The following HTR1F variants were observed in gnomAD, a reference collection of about 807,000 sequenced individuals.
HTR1F encodes 5-hydroxytryptamine receptor 1F, also known as 5-hydroxytryptamine (serotonin) receptor 1F, G protein-coupled.
Under a neutral mutation model 24.0 loss-of-function variants are expected in HTR1F, and 17 were observed. That is an observed-to-expected ratio of 0.71 (90% confidence interval 0.48 to 1.06). The LOEUF (loss-of-function observed/expected upper bound fraction) is 1.06, where lower values mean the gene tolerates loss of function less well. HTR1F is among the 50% of genes least tolerant of loss of function. The pLI is 0.00. For missense variants in HTR1F, 391 were observed against 427.8 expected, an observed-to-expected ratio of 0.91 and a Z score of 0.76; for synonymous variants, 186 against 156.8, an observed-to-expected ratio of 1.19 and a Z score of -1.39.
chr3:87,936,547 C>G (rs953672157), intron 2 of HTR1F, among the ~76,000 whole-genome samples: 2 of 152,114 alleles, frequency 1.3e-5, no homozygotes, highest in Non-Finnish European at 1.5e-5. Flanking sequence ...TTTTATAACA[C>G]TCCAATAAGA....
chr3:87,957,110 A>C (rs1444231805), intron 2 of HTR1F, among the ~76,000 whole-genome samples: 1 of 151,348 alleles, frequency 6.6e-6, no homozygotes, highest in East Asian at 1.9e-4. Context: ...CTCTTATCAG[A>C]TGGAGGCAGT....
In HTR1F at chr3:87,807,274, C is replaced by A. The variant is rs552476282; in HGVS notation, c.-160+14432C>A. ...TGATCCATGAGCATGGAGTATCTTTCCCTTCGTGTTGTTTTTAATTTATTT... is the reference window on the plus strand; with the variant it reads ...TGATCCATGAGCATGGAGTATCTTTACCTTCGTGTTGTTTTTAATTTATTT... On this transcript the variant is annotated intron_variant, in intron 1 of 2. Transcript: ENST00000319595. 1.5e-3 allele frequency among the ~76,000 whole-genome samples: 224 copies of A among 151,942 alleles called. 1 individual carries two copies. The highest frequency in any genetic ancestry group is 5.2e-3 in the African/African-American group (215 of 41,506).
intron 2 of HTR1F, among the ~76,000 whole-genome samples, chr3:87,927,998 C>A (rs1315643100): frequency 1.3e-5 from 2 of 151,472 alleles, no homozygotes; most frequent in Admixed American, 6.6e-5. Context: ...ATAAATCACT[C>A]TCTGTGCCTT....
chr3:87,863,573 T>A (rs987436440), intron 2 of HTR1F, among the ~76,000 whole-genome samples: 58 of 152,318 alleles, frequency 3.8e-4, no homozygotes, highest in African/African-American at 1.4e-3. Context: ...CAGTTTCCAA[T>A]AACATGTTCC....
At chr3:87,981,523 G>A (rs1705544365) in intron 2 of HTR1F, among the ~76,000 whole-genome samples, 1 of 152,106 alleles carries the variant, frequency 6.6e-6, no homozygotes, top group African/African-American at 2.4e-5. Context: ...CACAGTAGTT[G>A]GTAGTCTCTT....
intron 2 of HTR1F, among the ~76,000 whole-genome samples, chr3:87,948,966 T>A (rs1704774650): frequency 1.3e-5 from 2 of 152,202 alleles, no homozygotes; most frequent in Admixed American, 1.3e-4. Context: ...CAGCAGTATA[T>A]TTATTTTCAG....
intron 2 of HTR1F, among the ~76,000 whole-genome samples, chr3:87,945,357 G>C (rs1172391548): frequency 1.3e-5 from 2 of 152,168 alleles, no homozygotes; most frequent in South Asian, 2.1e-4. Context: ...GGAAATGAAA[G>C]TCTGAACCAT....
chr3:87,928,323 G>A (rs1176767996), intron 2 of HTR1F, among the ~76,000 whole-genome samples: 2 of 152,060 alleles, frequency 1.3e-5, no homozygotes, highest in South Asian at 2.1e-4. Context: ...TGGATTACAG[G>A]CACGAGCCAC....
chr3:87,875,323 G>A (rs1276472531), intron 2 of HTR1F, among the ~76,000 whole-genome samples: 1 of 151,824 alleles, frequency 6.6e-6, no homozygotes, highest in East Asian at 1.9e-4. Context: ...GGTGGTGGCT[G>A]CCTGTAATCC....
chr3:87,921,239 CATCTAGTGTT>C (rs1704006863), intron 2 of HTR1F, among the ~76,000 whole-genome samples: 1 of 151,844 alleles, frequency 6.6e-6, no homozygotes, highest in Non-Finnish European at 1.5e-5. Flanking sequence ...CATGACAGGG[CATCTAGTGTT>C]TAAATATATT....
chr3:87,932,360 T>C (rs924303601), intron 2 of HTR1F, among the ~76,000 whole-genome samples: 9 of 152,148 alleles, frequency 5.9e-5, no homozygotes, highest in East Asian at 3.9e-4. Flanking sequence ...GTTGTAGATA[T>C]GCAGCGTTAT....
At chr3:87,838,647 C>A (rs1186261249) in intron 2 of HTR1F, among the ~76,000 whole-genome samples, 1 of 151,792 alleles carries the variant, frequency 6.6e-6, no homozygotes, top group Non-Finnish European at 1.5e-5. Context: ...GTTGCAATAT[C>A]CACTCAATAA....
chr3:87,846,966 T>C (rs770491353), intron 2 of HTR1F, among the ~76,000 whole-genome samples: 11 of 151,802 alleles, frequency 7.2e-5, no homozygotes, highest in Non-Finnish European at 5.9e-5. Flanking sequence ...TATTCAGAAG[T>C]ATCCATTTTT....
At chr3:87,899,886 C>T (rs1009186314) in intron 2 of HTR1F, among the ~76,000 whole-genome samples, 6 of 152,010 alleles carry the variant, frequency 3.9e-5, no homozygotes, top group Admixed American at 3.3e-4. Context: ...AAACAAAAAT[C>T]GCAGTCTATC....
At chr3:87,920,227 C>T (rs1465971409) in intron 2 of HTR1F, among the ~76,000 whole-genome samples, 5 of 151,562 alleles carry the variant, frequency 3.3e-5, no homozygotes, top group Admixed American at 2.6e-4. Flanking sequence ...AAGAATGACA[C>T]GATGGACTTT....
At chr3:87,836,012 A>G (rs1190602184) in intron 2 of HTR1F, among the ~76,000 whole-genome samples, 1 of 152,152 alleles carries the variant, frequency 6.6e-6, no homozygotes, top group Non-Finnish European at 1.5e-5. Context: ...CTAAAACTAC[A>G]CTAAACCTAT....
rs6781824 is a variant in HTR1F at position 87,822,119 on chromosome 3, A to T, written c.-48A>T. Reference sequence around the variant, plus strand: ...GAAAACCCACAATTCAATCTACCACAGTATGGTAAGCATTCCCAGCTTTAA... The same window carrying T: ...GAAAACCCACAATTCAATCTACCACTGTATGGTAAGCATTCCCAGCTTTAA... On this transcript the variant is annotated 5_prime_UTR_variant, in exon 2 of 3. Coordinates refer to ENST00000319595, the MANE Select transcript of HTR1F (RefSeq NM_001322209.2). 0.067 allele frequency among the ~76,000 whole-genome samples: 10,208 copies of T among 152,254 alleles called. 1,106 individuals carry two copies. The highest frequency in any genetic ancestry group is 0.23 in the African/African-American group (9,420 of 41,492).
At chr3:87,873,312 G>C (rs1371492547) in intron 2 of HTR1F, among the ~76,000 whole-genome samples, 1 of 152,070 alleles carries the variant, frequency 6.6e-6, no homozygotes. Flanking sequence ...AAGTCCAAAG[G>C]CTTAATAACC....
chr3:87,807,343 T>G (rs1704090329), intron 1 of HTR1F, among the ~76,000 whole-genome samples: 1 of 152,008 alleles, frequency 6.6e-6, no homozygotes, highest in Non-Finnish European at 1.5e-5. Context: ...TTTCATTTCC[T>G]TGTTACATTT....
Sources: gnomAD v4.1 joint callset for allele counts (sites outside exome capture counted in the v4.1 genomes callset) on GRCh38, gnomAD v4.1.1 for gene constraint, MANE v1.5 for transcripts, NCBI Gene and HGNC (gene_info 2026-07-23, HGNC 2026-07-21) for gene names.